The following FBXW8 variants were observed in gnomAD, a reference collection of about 807,000 sequenced individuals.
FBXW8 encodes F-box and WD repeat domain containing 8.
Under a neutral mutation model 65.3 loss-of-function variants are expected in FBXW8, and 57 were observed. The observed-to-expected ratio is 0.87, with a 90% CI of 0.71 to 1.09. FBXW8 has a LOEUF of 1.09. FBXW8 is among the 50% of genes least tolerant of loss of function. FBXW8 has a pLI of 0.00. For missense variants in FBXW8, 777 were observed against 814.8 expected, an observed-to-expected ratio of 0.95 and a Z score of 0.57; for synonymous variants, 308 against 330.2, an observed-to-expected ratio of 0.93 and a Z score of 0.73.
intron 3 of FBXW8, among the ~76,000 whole-genome samples, chr12:116,946,960 A>C (rs1882972339): frequency 6.6e-6 from 1 of 151,846 alleles, no homozygotes; most frequent in Admixed American, 6.6e-5. Flanking sequence ...CAAGCAGGAG[A>C]GTTGGAGATA....
chr12:117,008,827 G>A (rs940176175), intron 7 of FBXW8, among the ~76,000 whole-genome samples: 4 of 152,240 alleles, frequency 2.6e-5, no homozygotes, highest in East Asian at 1.9e-4. Context: ...GAGGCCAGGC[G>A]TGCTGGCTCA....
chr12:117,008,577 T>C (rs1450877378), intron 7 of FBXW8, among the ~76,000 whole-genome samples: 1 of 152,240 alleles, frequency 6.6e-6, no homozygotes, highest in Non-Finnish European at 1.5e-5. Context: ...TATAGTGTTG[T>C]TTTGACCATT....
intron 1 of FBXW8, among the ~76,000 whole-genome samples, chr12:116,919,105 T>C (rs898864015): frequency 6.6e-6 from 1 of 152,202 alleles, no homozygotes; most frequent in African/African-American, 2.4e-5. Context: ...AATACTGTAC[T>C]GTAAGTAACT....
chr12:116,912,560 C>T (rs1880068465), intron 1 of FBXW8, among the ~76,000 whole-genome samples: 1 of 150,582 alleles, frequency 6.6e-6, no homozygotes, highest in East Asian at 2.0e-4. Flanking sequence ...CCTAGGTTCA[C>T]GCCATTCTCC....
At chr12:116,935,350 T>G (rs1267887723) in intron 2 of FBXW8, among the ~76,000 whole-genome samples, 1 of 152,248 alleles carries the variant, frequency 6.6e-6, no homozygotes, top group Non-Finnish European at 1.5e-5. Flanking sequence ...TGCTTATAGC[T>G]AAAGATCTAT....
chr12:116,991,574 T>C (rs1282914045), intron 7 of FBXW8, among the ~76,000 whole-genome samples: 1 of 152,208 alleles, frequency 6.6e-6, no homozygotes, highest in Non-Finnish European at 1.5e-5. Context: ...CCCAGCACGT[T>C]TTATTAGGCT....
At chr12:117,019,017 G>A (rs549590051) in intron 8 of FBXW8, among the ~76,000 whole-genome samples, 1 of 152,116 alleles carries the variant, frequency 6.6e-6, no homozygotes, top group Non-Finnish European at 1.5e-5. Context: ...TCCCATTATG[G>A]ACTAAGGTTA....
At chr12:117,001,158 A>C (rs528193458) in intron 7 of FBXW8, among the ~76,000 whole-genome samples, 3 of 152,278 alleles carry the variant, frequency 2.0e-5, no homozygotes, top group Admixed American at 1.3e-4. Flanking sequence ...TTATGTGCAA[A>C]ATGCTGCTAA....
chr12:116,922,645 A>G (rs1287830980), intron 1 of FBXW8, among the ~76,000 whole-genome samples: 2 of 152,216 alleles, frequency 1.3e-5, no homozygotes, highest in Non-Finnish European at 2.9e-5. Context: ...TTACAGAATT[A>G]GTCTTACATT....
intron 5 of FBXW8, among the ~76,000 whole-genome samples, chr12:116,977,108 C>T (rs968150994): frequency 1.3e-5 from 2 of 152,212 alleles, no homozygotes; most frequent in African/African-American, 4.8e-5. Context: ...GTTAGGCTGT[C>T]TGTGGTTTCT....
At chr12:117,010,496 C>G (rs1172023286) in intron 8 of FBXW8, 46 bp downstream of exon 8, 8 of 1,613,218 alleles carry the variant, frequency 5.0e-6, no homozygotes, top group Non-Finnish European at 5.9e-6. Flanking sequence ...ATGGCTTCTG[C>G]CAAGGCCCGG....
chr12:116,988,282 C>G (rs999350745), intron 6 of FBXW8, among the ~76,000 whole-genome samples: 1 of 152,238 alleles, frequency 6.6e-6, no homozygotes, highest in East Asian at 1.9e-4. Context: ...CCAAAGTTCC[C>G]TTGATACAAG....
Position 116,911,259 on chromosome 12 carries a change from C to T in FBXW8, c.222C>T (p.Ala74=), listed in dbSNP as rs991522372. The change falls in exon 1 of 11, where the codon GCC becomes GCT. Residue 74 remains alanine, a synonymous_variant. Coordinates refer to ENST00000652555, the MANE Select transcript of FBXW8 (RefSeq NM_153348.3). Reference sequence around the variant, plus strand: ...CCCCGGCGGCGCGGGCGACTCGGGCCGAGGGGCAGGACGTAGCGAGCCGCT... The same window carrying T: ...CCCCGGCGGCGCGGGCGACTCGGGCTGAGGGGCAGGACGTAGCGAGCCGCT... ...GRPPAARATR[A]EGQDVASRSR... is the part of the protein sequence containing the mutation. The T allele has an allele frequency of 1.7e-4, 212 of 1,245,900 alleles. 1 individual carries two copies. The African/African-American group carries it at 2.9e-3, about 17-fold the overall frequency. 77.2% of individuals were successfully genotyped at this position (1,245,900 alleles called of 1,614,324 possible).
chr12:116,969,140 G>A (rs1354615247), intron 5 of FBXW8, among the ~76,000 whole-genome samples: 3 of 152,112 alleles, frequency 2.0e-5, no homozygotes, highest in East Asian at 1.9e-4. Flanking sequence ...GGGGTTTCAC[G>A]TCATGGTTGG....
rs545383079 is a variant in FBXW8 at position 117,018,076 on chromosome 12, C to T, written c.1368-6071C>T. Among the ~76,000 whole-genome samples the T allele has an allele frequency of 2.4e-4, 37 of 152,292 alleles. 1 individual carries two copies. In the South Asian group the frequency reaches 5.4e-3, roughly 22 times the overall value. ...GACCAACCAGAGCGTGCCTCCCTCTCGGTTCCAGCACGTTTTCCTGCCCAT... is the reference window on the plus strand; with the variant it reads ...GACCAACCAGAGCGTGCCTCCCTCTTGGTTCCAGCACGTTTTCCTGCCCAT... On this transcript the variant is annotated intron_variant, in intron 8 of 10. Transcript: ENST00000652555.
intron 1 of FBXW8, among the ~76,000 whole-genome samples, chr12:116,921,626 G>A (rs188566926): frequency 6.6e-5 from 10 of 152,240 alleles, no homozygotes; most frequent in Admixed American, 5.2e-4. Flanking sequence ...AGCACCTGGT[G>A]TGGCCCTGAA....
intron 1 of FBXW8, among the ~76,000 whole-genome samples, chr12:116,921,550 A>C (rs1880902736): frequency 6.6e-6 from 1 of 152,112 alleles, no homozygotes; most frequent in Admixed American, 6.6e-5. Flanking sequence ...TACCTCTATA[A>C]AAGATTTTAG....
At chr12:116,950,580 A>G (rs967741273) in intron 4 of FBXW8, 1 of 152,214 alleles carries the variant, frequency 6.6e-6, no homozygotes, top group Non-Finnish European at 1.5e-5. Flanking sequence ...TTTGAATAGA[A>G]ATTCCACACA....
intron 6 of FBXW8, chr12:116,986,339 A>C (rs1441878847): frequency 6.6e-6 from 1 of 152,246 alleles, no homozygotes; most frequent in African/African-American, 2.4e-5. Flanking sequence ...GAAAAATGTG[A>C]AAGTACATTT....
Sources: allele counts gnomAD v4.1 joint callset (sites outside exome capture counted in the v4.1 genomes callset), GRCh38; gene constraint gnomAD v4.1.1; transcripts MANE v1.5; gene names NCBI Gene and HGNC (gene_info 2026-07-23, HGNC 2026-07-21).